Variants in CSMD3 observed in about 807,000 individuals in gnomAD.
The protein encoded by CSMD3 is CUB and sushi domain-containing protein 3.
Under a neutral mutation model 435.2 loss-of-function variants are expected in CSMD3, and 177 were observed. The observed-to-expected ratio is 0.41, with a 90% CI of 0.36 to 0.46. The LOEUF (loss-of-function observed/expected upper bound fraction) is 0.46. Among genes scored for constraint, CSMD3 ranks in the 20% least tolerant of loss-of-function variants. The pLI is 0.34. For synonymous variants in CSMD3, 1,656 were observed against 1,520.5 expected, an observed-to-expected ratio of 1.09 and a Z score of -2.07; for missense variants, 4,265 against 4,504.6, an observed-to-expected ratio of 0.95 and a Z score of 1.52.
chr8:112,292,308 G>A (rs944178241), intron 55 of CSMD3, among the ~76,000 whole-genome samples: 1 of 151,856 alleles, frequency 6.6e-6, no homozygotes, highest in African/African-American at 2.4e-5. Flanking sequence ...AAAAATATAA[G>A]TTACAAAAGA....
intron 16 of CSMD3, among the ~76,000 whole-genome samples, chr8:112,677,884 A>G (rs1159754722): frequency 6.6e-6 from 1 of 152,094 alleles, no homozygotes; most frequent in African/African-American, 2.4e-5. Context: ...TGTCCAATAT[A>G]TGATTTCTGA....
At chr8:112,529,722 C>T (rs541860851) in intron 27 of CSMD3, among the ~76,000 whole-genome samples, 38 of 152,020 alleles carry the variant, frequency 2.5e-4, no homozygotes, top group Middle Eastern at 3.4e-3. Context: ...TCTGGGAAGA[C>T]GGGATGCAGT....
intron 11 of CSMD3, among the ~76,000 whole-genome samples, chr8:112,853,537 A>G (rs1469250925): frequency 6.6e-6 from 1 of 152,112 alleles, no homozygotes; most frequent in East Asian, 1.9e-4. Context: ...TTCATCCACT[A>G]TGTATTCTAA....
chr8:113,308,879 C>A (rs150436608), intron 2 of CSMD3, among the ~76,000 whole-genome samples: 63 of 152,226 alleles, frequency 4.1e-4, no homozygotes, highest in Non-Finnish European at 7.9e-4. Context: ...AAGAGATAGT[C>A]TTTTATCAAC....
chr8:112,270,616 G>A (rs1458593607), intron 59 of CSMD3, among the ~76,000 whole-genome samples: 1 of 151,986 alleles, frequency 6.6e-6, no homozygotes, highest in Admixed American at 6.6e-5. Flanking sequence ...AGTAGGTTTT[G>A]TTTAAATGAT....
chr8:112,787,571 T>C (rs1354616985), intron 13 of CSMD3, among the ~76,000 whole-genome samples: 1 of 152,178 alleles, frequency 6.6e-6, no homozygotes, highest in African/African-American at 2.4e-5. Flanking sequence ...ATAAAAAAAC[T>C]GTGCTGCATA....
rs1288968808 is a variant in CSMD3 at position 113,006,260 on chromosome 8, G to C, written c.1030+12807C>G. Among the ~76,000 whole-genome samples, 15 of 151,912 alleles carry C rather than the reference G, an allele frequency of 9.9e-5. 1 individual carries two copies. Among genetic ancestry groups the C allele is most frequent in the Admixed American group, 9.9e-4 (15 of 15,200 alleles). On this transcript the variant is annotated intron_variant, in intron 6 of 70. Transcript: ENST00000297405. Reference sequence around the variant, plus strand: ...CTTCCCAAACAAGTCCTTTACTCTTGAAGATTTGTCTCTATATGTATTTAT... The same window carrying C: ...CTTCCCAAACAAGTCCTTTACTCTTCAAGATTTGTCTCTATATGTATTTAT...
chr8:113,322,530 T>C (rs573389327), intron 1 of CSMD3, among the ~76,000 whole-genome samples: 3 of 152,286 alleles, frequency 2.0e-5, no homozygotes, highest in Non-Finnish European at 4.4e-5. Flanking sequence ...TCTTAACTTG[T>C]TTCATAAGAA....
intron 10 of CSMD3, among the ~76,000 whole-genome samples, chr8:112,903,747 C>T (rs994582852): frequency 6.6e-6 from 1 of 151,328 alleles, no homozygotes; most frequent in Admixed American, 6.6e-5. Flanking sequence ...AATAAGCTTA[C>T]GGGAAACAGT....
At chr8:113,185,048 A>G (rs59219135) in intron 3 of CSMD3, among the ~76,000 whole-genome samples, 50,564 of 151,884 alleles carry the variant, frequency 0.33, 9,271 homozygotes, top group East Asian at 0.7. Flanking sequence ...CCAGCAGTTC[A>G]TTCCAACACT....
At chr8:113,240,139 A>G (rs2093197633) in intron 3 of CSMD3, among the ~76,000 whole-genome samples, 1 of 152,120 alleles carries the variant, frequency 6.6e-6, no homozygotes, top group African/African-American at 2.4e-5. Flanking sequence ...TTTGCTAAAG[A>G]TAATGGCTTC....
chr8:112,556,349 GAA>G (rs1424359878), intron 25 of CSMD3, among the ~76,000 whole-genome samples: 1 of 151,982 alleles, frequency 6.6e-6, no homozygotes, highest in Non-Finnish European at 1.5e-5. Flanking sequence ...ACATGCATGA[GAA>G]AAGAGAATAG....
intron 32 of CSMD3, among the ~76,000 whole-genome samples, chr8:112,430,982 T>G (rs1020944817): frequency 6.6e-6 from 1 of 152,000 alleles, no homozygotes; most frequent in Admixed American, 6.6e-5. Context: ...TTTATTTCTG[T>G]GATTTAATGC....
intron 32 of CSMD3, among the ~76,000 whole-genome samples, chr8:112,434,604 A>G (rs1201625838): frequency 6.6e-6 from 1 of 152,110 alleles, no homozygotes; most frequent in Non-Finnish European, 1.5e-5. Flanking sequence ...TCCAGAAGAG[A>G]GAAGAAAACA....
chr8:112,360,717 T>C (rs1303509136), intron 38 of CSMD3, among the ~76,000 whole-genome samples: 1 of 151,892 alleles, frequency 6.6e-6, no homozygotes, highest in Non-Finnish European at 1.5e-5. Flanking sequence ...AATTTAGAAG[T>C]ACAGGAACAT....
At chr8:112,747,832 G>A (rs1043021082) in intron 13 of CSMD3, among the ~76,000 whole-genome samples, 4 of 151,854 alleles carry the variant, frequency 2.6e-5, no homozygotes, top group Admixed American at 2.0e-4. Flanking sequence ...GCGCAGTGGC[G>A]GGCGCCTATA....
intron 5 of CSMD3, among the ~76,000 whole-genome samples, chr8:113,024,821 A>G (rs889501311): frequency 6.6e-6 from 1 of 152,142 alleles, no homozygotes; most frequent in Non-Finnish European, 1.5e-5. Flanking sequence ...TAGTGTATCC[A>G]TCACTGGAGT....
rs746839003 is a variant in CSMD3, at chr8:112,503,979, T to TAA, written c.4896-3_4896-2insTT. On this transcript the variant is annotated splice_polypyrimidine_tract_variant and splice_region_variant and intron_variant, in intron 29 of 70. Coordinates refer to ENST00000297405, the MANE Select transcript of CSMD3 (RefSeq NM_198123.2). ...TCATAGTTTGGTTCTATGCTAAAAC[T>TAA]GAAAAAAAAAAGGAAAGAACAAAAG... is the stretch of plus-strand genomic sequence containing the variant. 6.3e-5 allele frequency: 78 copies of TAA among 1,238,784 alleles called. No homozygotes were observed. The highest frequency in any genetic ancestry group is 2.0e-4 in the Middle Eastern group (1 of 4,916). 76.7% of individuals were successfully genotyped at this position (1,238,784 alleles called of 1,614,324 possible). A position where few individuals can be genotyped will look rare whatever the true frequency, so the allele number is the denominator to read the frequency against.
At chr8:112,829,512 T>A (rs1447162870) in intron 12 of CSMD3, among the ~76,000 whole-genome samples, 174 bp downstream of exon 12, 1 of 152,134 alleles carries the variant, frequency 6.6e-6, no homozygotes, top group Non-Finnish European at 1.5e-5. Context: ...CAAAGTGCCT[T>A]AAATCTCATT....
Sources: allele counts gnomAD v4.1 joint callset (sites outside exome capture counted in the v4.1 genomes callset), GRCh38; gene constraint gnomAD v4.1.1; transcripts MANE v1.5; gene names NCBI Gene and HGNC (gene_info 2026-07-23, HGNC 2026-07-21).